The following NLRP7 variants were observed in gnomAD, a reference collection of about 807,000 sequenced individuals.
The protein encoded by NLRP7 is NACHT, LRR and PYD domains-containing protein 7.
In NLRP7, 72 loss-of-function variants were observed where a neutral mutation model predicts 85.5. That is an observed-to-expected ratio of 0.84 (90% CI 0.70 to 1.02). The LOEUF (loss-of-function observed/expected upper bound fraction) is 1.02, where lower values mean the gene tolerates loss of function less well. Ranked by LOEUF, NLRP7 falls within the 50% of genes least tolerant of loss-of-function variation. NLRP7 has a pLI of 0.00. For synonymous variants in NLRP7, 550 were observed against 505.2 expected, an observed-to-expected ratio of 1.09 and a Z score of -1.19; for missense variants, 1,243 against 1,219.5, an observed-to-expected ratio of 1.02 and a Z score of -0.29.
rs558827292 is a variant in NLRP7, at chr19:54,936,496, T to A, written c.2130-65A>T. The A allele has an allele frequency of 2.5e-5, 34 of 1,364,156 alleles. No individual in the cohort carries two copies. In the South Asian group the frequency reaches 4.0e-4, roughly 16 times the overall value. 84.5% of individuals were successfully genotyped at this position (1,364,156 alleles called of 1,614,324 possible). A position where few individuals can be genotyped will look rare whatever the true frequency, so the allele number is the denominator to read the frequency against. On this transcript the variant is annotated intron_variant, in intron 5 of 9. Coordinates refer to ENST00000340844, the Ensembl canonical transcript of NLRP7. ...TACTCACATTGTGTGGAGGCATGTA[T>A]AAACAAAAAGCTGTTTCACATTTAG...
At position 54,956,026 on chromosome 19, in the gene NLRP7, G is replaced by C. The variant is rs1371859671; in HGVS notation, c.-76-8521C>G. On this transcript the variant is annotated intron_variant, in intron 1 of 2. Transcript: ENST00000587103. ...GTGATCGTGCATGCCTGTAGTCCCA[G>C]CTACTCAGGAGGCCAAGGCAGGAGG... 2.0e-5 allele frequency among the ~76,000 whole-genome samples: 3 copies of C among 152,216 alleles called. No individual in the cohort carries two copies. The East Asian group carries it at 5.8e-4, about 29-fold the overall frequency.
chr19:54,942,819 C>T (rs1371440782), intron 1 of NLRP7, among the ~76,000 whole-genome samples: 13 of 152,082 alleles, frequency 8.5e-5, no homozygotes, highest in Non-Finnish European at 1.6e-4. Flanking sequence ...CTGAATGACA[C>T]ATTGAAAACA....
At chr19:54,959,067 G>A (rs778551233) in intron 1 of NLRP7, among the ~76,000 whole-genome samples, 5 of 152,096 alleles carry the variant, frequency 3.3e-5, no homozygotes, top group East Asian at 3.9e-4. Flanking sequence ...GCCTGGTTTC[G>A]GGTCTGGTTT....
rs1218968256 is a variant in NLRP7, at chr19:54,933,552, A to C, written c.2642+17T>G. 7 of 1,613,484 alleles carry C rather than the reference A, an allele frequency of 4.3e-6. No homozygotes were observed. The highest frequency in any genetic ancestry group is 4.0e-5 in the African/African-American group (3 of 74,888). ...TGAATTCATGTGCACACACACACAC[A>C]CCCAGCAGGGACTTACACCAAGGTC... On this transcript the variant is annotated intron_variant, in intron 8 of 9. Transcript: ENST00000340844.
intron 9 of NLRP7, 54 bp from the exon 10 acceptor site, chr19:54,927,829 A>T (rs269934): frequency 6.5e-6 from 10 of 1,537,840 alleles, no homozygotes; most frequent in South Asian, 3.4e-5. Flanking sequence ...TAGTGGCTCA[A>T]GCGTGTAATC....
chr19:54,932,624 T>C (rs1423491074), intron 8 of NLRP7, among the ~76,000 whole-genome samples: 3 of 152,236 alleles, frequency 2.0e-5, no homozygotes, highest in East Asian at 1.9e-4. Flanking sequence ...CTGCCACCTA[T>C]GTCTTTTACA....
intron 1 of NLRP7, among the ~76,000 whole-genome samples, chr19:54,942,047 A>G (rs2069251977): frequency 6.6e-6 from 1 of 151,718 alleles, no homozygotes; most frequent in African/African-American, 2.4e-5. Flanking sequence ...ATATCAGGAG[A>G]TCGAGACCAT....
At chr19:54,962,699 A>C (rs1461066810) in intron 1 of NLRP7, among the ~76,000 whole-genome samples, 2 of 150,872 alleles carry the variant, frequency 1.3e-5, no homozygotes, top group Non-Finnish European at 3.0e-5. Flanking sequence ...TCCCGGGTTC[A>C]CGCCATTCTC....
intron 1 of NLRP7, among the ~76,000 whole-genome samples, chr19:54,946,293 C>T (rs1449402615): frequency 1.3e-5 from 2 of 150,936 alleles, no homozygotes; most frequent in Non-Finnish European, 3.0e-5. Flanking sequence ...CTCACCGCAA[C>T]CTCCGCCTCC....
chr19:54,935,736 G>A (rs1263896284), intron 6 of NLRP7, among the ~76,000 whole-genome samples: 1 of 151,612 alleles, frequency 6.6e-6, no homozygotes, highest in South Asian at 2.1e-4. Flanking sequence ...TGCAGAGAAG[G>A]TTGCATGCTC....
chr19:54,939,191 G>A, exon 4 of NLRP7: 1 of 1,614,234 alleles, frequency 6.2e-7, no homozygotes, highest in Non-Finnish European at 8.5e-7. Flanking sequence ...GATGTCCGGT[G>A]ACATCCGGCA....
intron 1 of NLRP7, among the ~76,000 whole-genome samples, chr19:54,961,652 G>A (rs1429311933): frequency 1.3e-5 from 2 of 151,560 alleles, no homozygotes; most frequent in Non-Finnish European, 2.9e-5. Context: ...TGGCCAGCAT[G>A]GTGAAAACCT....
At chr19:54,931,682 T>A (rs1215116961) in intron 8 of NLRP7, among the ~76,000 whole-genome samples, 2 of 101,674 alleles carry the variant, frequency 2.0e-5, no homozygotes, top group Non-Finnish European at 3.8e-5. Context: ...CGAAACTCCA[T>A]CTCAAAAAAA....
intron 9 of NLRP7, among the ~76,000 whole-genome samples, chr19:54,930,094 A>C (rs2068609633): frequency 7.0e-6 from 1 of 143,120 alleles, no homozygotes; most frequent in South Asian, 2.3e-4. Flanking sequence ...CAGCCTGGGC[A>C]ACTAGAACGA....
exon 4 of NLRP7, chr19:54,939,108 C>G (rs777931546): frequency 6.2e-7 from 1 of 1,614,220 alleles, no homozygotes; most frequent in Non-Finnish European, 8.5e-7. Context: ...CAGCCCAAGA[C>G]CTCCTTCAGG....
At chr19:54,941,048 T>G in intron 2 of NLRP7, 43 bp from the exon 3 acceptor site, 1 of 1,344,258 alleles carries the variant, frequency 7.4e-7, no homozygotes, top group Non-Finnish European at 1.1e-6. Context: ...TAATTTACAC[T>G]TCGTAAATCA....
Position 54,934,507 on chromosome 19 carries a change from T to C in NLRP7, c.2453A>G (p.His818Arg), listed in dbSNP as rs539777504. ...GACTTACGACAACATCTGCAGGAAG[T>C]GTTTTGGGCGTGTCATGGTCTTGTA... The change falls in exon 7 of 10, where the codon CAC (histidine) becomes CGC (arginine). Residue 818 changes from histidine to arginine, a missense_variant. His to Arg is a conservative substitution (Grantham distance 29). Transcript: ENST00000340844. This position sits in a 1 kb window ranked among gnomAD's most constrained non-coding sequence, Gnocchi z 6.7. The C allele has an allele frequency of 6.8e-6, 11 of 1,614,006 alleles. No individual in the cohort carries two copies. The highest frequency in any genetic ancestry group is 5.0e-5 in the Admixed American group (3 of 59,986).
chr19:54,963,920 G>A (rs1374926777), intron 1 of NLRP7, among the ~76,000 whole-genome samples: 7 of 147,580 alleles, frequency 4.7e-5, no homozygotes, highest in East Asian at 4.1e-4. Flanking sequence ...TCACTCTGTC[G>A]CCCAGGGTGG....
At chr19:54,946,850 G>A (rs996845248) in intron 1 of NLRP7, among the ~76,000 whole-genome samples, 2 of 152,080 alleles carry the variant, frequency 1.3e-5, no homozygotes, top group African/African-American at 4.8e-5. Context: ...ATTTTGGGCA[G>A]GCTGGTCTCA....
Sources: gnomAD v4.1 joint callset for allele counts (sites outside exome capture counted in the v4.1 genomes callset) on GRCh38, gnomAD v4.1.1 for gene constraint, Gnocchi (gnomAD v3.1) non-coding constraint, MANE v1.5 for transcripts, NCBI Gene and HGNC (gene_info 2026-07-23, HGNC 2026-07-21) for gene names.